LAMA3: variants seen among roughly 807,000 people sequenced by gnomAD.
The protein encoded by LAMA3 is laminin subunit alpha 3.
LAMA3 carries 281 observed loss-of-function variants against 402.0 expected under a neutral mutation model. The ratio of observed to expected loss-of-function variants is 0.70; its 90% confidence interval spans 0.63 to 0.77. LAMA3 has a LOEUF of 0.77. Among genes scored for constraint, LAMA3 ranks in the 30% least tolerant of loss-of-function variants. The probability of loss-of-function intolerance (pLI) is 0.00; values close to 1 mark genes in which losing one functional copy is unlikely to be tolerated. For missense variants in LAMA3, 3,840 were observed against 4,215.5 expected (o/e 0.91, Z 2.47); for synonymous variants, 1,431 against 1,558.4 (o/e 0.92, Z 1.93).
intron 1 of LAMA3, among the ~76,000 whole-genome samples, chr18:23,710,538 G>C (rs1316836336): frequency 6.6e-6 from 1 of 152,054 alleles, no homozygotes; most frequent in African/African-American, 2.4e-5. Flanking sequence ...GCTGCAAAGA[G>C]TTTTAACACT....
rs374781781 is a variant in LAMA3, at chr18:23,786,631, T to C, written c.1603+2474T>C. Among the ~76,000 whole-genome samples the C allele has an allele frequency of 1.8e-3, 278 of 152,198 alleles. 1 individual carries two copies. Among genetic ancestry groups the C allele is most frequent in the African/African-American group, 6.5e-3 (269 of 41,512 alleles). On this transcript the variant is annotated intron_variant, in intron 12 of 74. Transcript: ENST00000313654. ...GAAAGAGGGAAGTGTGACCCATACA[T>C]AGGGGAAGAAGAAGACAATAGAAAC... is the stretch of plus-strand genomic sequence containing the variant.
rs35332291 is a variant in LAMA3 at position 23,807,457 on chromosome 18, A to AGTGTGTGT, written c.1604-2896_1604-2889dup. Among the ~76,000 whole-genome samples the AGTGTGTGT allele has an allele frequency of 5.7e-3, 852 of 149,080 alleles. 13 individuals carry two copies. The highest frequency in any genetic ancestry group is 0.02 in the African/African-American group (818 of 40,910). On this transcript the variant is annotated intron_variant, in intron 12 of 74. Transcript: ENST00000313654. ...ATGTACATATAATATATATTGTGTG[A>AGTGTGTGT]GTGTGTGTGTGTGTGTGTGTATGTG...
intron 62 of LAMA3, among the ~76,000 whole-genome samples, chr18:23,926,904 A>G (rs1362204535): frequency 6.6e-6 from 1 of 152,252 alleles, no homozygotes; most frequent in Non-Finnish European, 1.5e-5. Flanking sequence ...TACTCTGTAC[A>G]AAACACTGTT....
At chr18:23,943,090 C>T (rs1599162158) in intron 68 of LAMA3, among the ~76,000 whole-genome samples, 1 of 152,216 alleles carries the variant, frequency 6.6e-6, no homozygotes, top group Admixed American at 6.5e-5. Context: ...TTGTCCCCTA[C>T]TTCTCCTACG....
chr18:23,866,428 G>T (rs1222739235), intron 36 of LAMA3, among the ~76,000 whole-genome samples: 1 of 152,216 alleles, frequency 6.6e-6, no homozygotes, highest in Admixed American at 6.5e-5. Context: ...GCACTGCTGT[G>T]TTGCTTTGTT....
Position 23,832,029 on chromosome 18 carries a change from A to T in LAMA3, c.2824-1799A>T, listed in dbSNP as rs1941514. ...TATGTCTTTTATCTGAGTTTCTCAA[A>T]CCTGACTTTGCCCATCAAATGTACC... On this transcript the variant is annotated intron_variant, in intron 23 of 74. Coordinates refer to ENST00000313654, the MANE Select transcript of LAMA3 (RefSeq NM_198129.4). Among the ~76,000 whole-genome samples the T allele has an allele frequency of 2.1e-3, 313 of 152,312 alleles. 2 individuals are homozygous for T. The highest frequency in any genetic ancestry group is 7.1e-3 in the African/African-American group (296 of 41,558).
chr18:23,751,825 T>G (rs749699356), intron 5 of LAMA3, among the ~76,000 whole-genome samples: 3 of 152,120 alleles, frequency 2.0e-5, no homozygotes, highest in Non-Finnish European at 2.9e-5. Context: ...ATAAACACAT[T>G]GAGCTCACTC....
intron 68 of LAMA3, among the ~76,000 whole-genome samples, chr18:23,940,615 A>G (rs2082469157): frequency 1.3e-5 from 2 of 152,168 alleles, no homozygotes; most frequent in South Asian, 4.1e-4. Context: ...CATAGCTTAT[A>G]AGGAGGCTGG....
At chr18:23,882,854 G>A (rs2064946675) in intron 40 of LAMA3, among the ~76,000 whole-genome samples, 1 of 152,088 alleles carries the variant, frequency 6.6e-6, no homozygotes, top group African/African-American at 2.4e-5. Context: ...AGAAAGGGTG[G>A]GAGTCATCAC....
chr18:23,726,730 G>A (rs2145977179), intron 2 of LAMA3, among the ~76,000 whole-genome samples: 1 of 152,216 alleles, frequency 6.6e-6, no homozygotes, highest in East Asian at 1.9e-4. Flanking sequence ...CGATTCCCGT[G>A]TCTCAGCCTC....
At position 23,842,495 on chromosome 18, in the gene LAMA3, C is replaced by G; in HGVS notation, c.3437C>G (p.Ser1146Trp). 6.2e-7 allele frequency: 1 copy of G among 1,614,218 alleles called. No homozygotes were observed. The change falls in exon 28 of 75, where the codon TCG becomes TGG. Residue 1146 changes from serine to tryptophan, a missense_variant. By Grantham distance (177) the Ser-to-Trp change is radical. Around this residue, in one of 3 missense-constraint regions of LAMA3, gnomAD observed 2,109 missense variants for 2,376.0 expected, o/e 0.89. Transcript: ENST00000313654. Reference sequence around the variant, plus strand: ...CACCCGACGTTTCCCGCGCAGGTGTCGGTGGATGGCGGGTGGCCACGGGCA... The same window carrying G: ...CACCCGACGTTTCCCGCGCAGGTGTGGGTGGATGGCGGGTGGCCACGGGCA... ...AAHPTFPAQV[S>W]VDGGWPRAGS...
chr18:23,904,237 A>C, intron 50 of LAMA3, 150 bp downstream of exon 50: 2 of 875,160 alleles, frequency 2.3e-6, no homozygotes, highest in Non-Finnish European at 3.7e-6. Context: ...CCCAGGCCCA[A>C]GTCAGAAGCA....
rs1599102529 is a variant in LAMA3 at position 23,920,948 on chromosome 18, C to G, written c.7937C>G (p.Ser2646Cys). ...CCTCTGTCCTAGGATCGCTTCATAT[C>G]TCTAAATATAGAAGATGGCAAGCTC... is the stretch of plus-strand genomic sequence containing the variant. ...FFAENGDRFISLNIEDGKLMV... is the reference protein window; with the variant it reads ...FFAENGDRFICLNIEDGKLMV... The change falls in exon 61 of 75, where the codon TCT becomes TGT. Residue 2646 changes from serine (S) to cysteine (C), a missense_variant. Around this residue, in one of 3 missense-constraint regions of LAMA3, gnomAD observed 840 missense variants for 981.9 expected, o/e 0.86. Coordinates refer to ENST00000313654, the MANE Select transcript of LAMA3 (RefSeq NM_198129.4). The G allele has an allele frequency of 1.2e-6, 2 of 1,613,992 alleles. No homozygotes were observed. The highest frequency in any genetic ancestry group is 1.7e-6 in the Non-Finnish European group (2 of 1,179,988).
At chr18:23,837,332 G>T (rs1352791264) in intron 25 of LAMA3, 4 of 488,950 alleles carry the variant, frequency 8.2e-6, no homozygotes, top group South Asian at 4.6e-5. Flanking sequence ...CGTTTCATTA[G>T]TTTTTATTCA....
chr18:23,888,938 T>TTA (rs113591610), intron 41 of LAMA3, among the ~76,000 whole-genome samples: 2 of 145,804 alleles, frequency 1.4e-5, no homozygotes, highest in African/African-American at 5.1e-5. Context: ...TATTTGACTT[T>TTA]AAAAAAAAAA....
At chr18:23,717,034 T>C (rs1249799213) in intron 2 of LAMA3, among the ~76,000 whole-genome samples, 1 of 152,208 alleles carries the variant, frequency 6.6e-6, no homozygotes, top group African/African-American at 2.4e-5. Flanking sequence ...CATTTGTGCC[T>C]CTAGAAAACA....
At chr18:23,719,119 T>C (rs540528636) in intron 2 of LAMA3, among the ~76,000 whole-genome samples, 1 of 152,204 alleles carries the variant, frequency 6.6e-6, no homozygotes, top group African/African-American at 2.4e-5. Flanking sequence ...AGTTTGTGCT[T>C]CTTGAGGTCA....
At chr18:23,938,167 T>C (rs1171106642) in intron 67 of LAMA3, among the ~76,000 whole-genome samples, 2 of 152,140 alleles carry the variant, frequency 1.3e-5, no homozygotes, top group African/African-American at 2.4e-5. Flanking sequence ...CGTGCTAATA[T>C]GGAATTATTT....
In LAMA3 at chr18:23,689,754, T is replaced by C; in HGVS notation, c.71T>C (p.Leu24Pro). 1 of 1,519,096 alleles carries C rather than the reference T, an allele frequency of 6.6e-7. No homozygotes were observed. Among genetic ancestry groups the C allele is most frequent in the Admixed American group, 2.0e-5 (1 of 49,444 alleles). 94.1% of individuals were successfully genotyped at this position (1,519,096 alleles called of 1,614,324 possible). A position where few individuals can be genotyped will look rare whatever the true frequency, so the allele number is the denominator to read the frequency against. Residue 24 changes from leucine (L) to proline (P), a missense_variant, in exon 1 of 75, where the codon CTG becomes CCG. Around this residue, in one of 3 missense-constraint regions of LAMA3, gnomAD observed 2,109 missense variants for 2,376.0 expected, o/e 0.89. Transcript: ENST00000313654. ...CTGCCGCCGACGCCGCTGCTCCTGC[T>C]GGTACTGCGGGTGCTGCCAGCCTGC... ...PVLPPTPLLL[L>P]VLRVLPACGA...
Sources: allele counts gnomAD v4.1 joint callset (sites outside exome capture counted in the v4.1 genomes callset), GRCh38; gene constraint gnomAD v4.1.1; regional missense constraint gnomAD v4.1.1; transcripts MANE v1.5; gene names NCBI Gene and HGNC (gene_info 2026-07-23, HGNC 2026-07-21).